Variants in RIPOR2 observed in about 807,000 individuals in gnomAD.
RIPOR2 encodes RHO family interacting cell polarization regulator 2, also known as rho family-interacting cell polarization regulator 2.
RIPOR2 carries 39 observed loss-of-function variants against 114.5 expected under a neutral mutation model. That is an observed-to-expected ratio of 0.34 (90% confidence interval 0.26 to 0.44). The LOEUF is 0.44. Among genes scored for constraint, RIPOR2 ranks in the 20% least tolerant of loss-of-function variants. The pLI is 1.00. For missense variants in RIPOR2, 1,007 were observed against 1,255.1 expected, an observed-to-expected ratio of 0.80 and a Z score of 2.99; for synonymous variants, 445 against 484.4, an observed-to-expected ratio of 0.92 and a Z score of 1.07.
intron 1 of RIPOR2, among the ~76,000 whole-genome samples, chr6:24,895,806 C>T (rs753643973): frequency 5.9e-5 from 9 of 151,788 alleles, no homozygotes; most frequent in Non-Finnish European, 1.3e-4. Context: ...CTGGCCAACA[C>T]GGTGAAACCC....
chr6:24,912,730 T>C (rs1170090909), intron 1 of RIPOR2, among the ~76,000 whole-genome samples: 1 of 152,200 alleles, frequency 6.6e-6, no homozygotes, highest in Non-Finnish European at 1.5e-5. Context: ...GAGAAGGGCC[T>C]GACATCCACC....
chr6:25,012,962 C>T (rs972424077), intron 1 of RIPOR2, among the ~76,000 whole-genome samples: 1 of 151,372 alleles, frequency 6.6e-6, no homozygotes. Context: ...GATGGGGGGC[C>T]AGGATCACTA....
At chr6:24,844,674 G>A (rs1189934985) in intron 12 of RIPOR2, among the ~76,000 whole-genome samples, 1 of 151,676 alleles carries the variant, frequency 6.6e-6, no homozygotes, top group African/African-American at 2.4e-5. Context: ...ACAGGATTTC[G>A]CCATGTTGGT....
chr6:25,007,512 A>G (rs752173007), intron 1 of RIPOR2, among the ~76,000 whole-genome samples: 1 of 152,242 alleles, frequency 6.6e-6, no homozygotes, highest in East Asian at 1.9e-4. Context: ...CCCTATGTAC[A>G]TAATAAGCAA....
At chr6:24,822,085 G>A (rs1759751633) in intron 19 of RIPOR2, among the ~76,000 whole-genome samples, 1 of 152,208 alleles carries the variant, frequency 6.6e-6, no homozygotes, top group Non-Finnish European at 1.5e-5. Context: ...GTGTAACAAA[G>A]TAGGATCCCG....
intron 7 of RIPOR2, among the ~76,000 whole-genome samples, chr6:24,865,066 G>A (rs755035759): frequency 6.6e-6 from 1 of 152,186 alleles, no homozygotes; most frequent in Non-Finnish European, 1.5e-5. Context: ...TCTTGCCTCA[G>A]CCTCTTGAAT....
chr6:24,854,971 G>A (rs1460688360), intron 8 of RIPOR2, among the ~76,000 whole-genome samples: 2 of 141,434 alleles, frequency 1.4e-5, no homozygotes, highest in African/African-American at 2.6e-5. Flanking sequence ...GGGTTGCAGT[G>A]AGCCGAGATC....
chr6:24,914,931 C>G (rs1341141994), intron 1 of RIPOR2, among the ~76,000 whole-genome samples: 1 of 152,130 alleles, frequency 6.6e-6, no homozygotes, highest in South Asian at 2.1e-4. Flanking sequence ...TTGTACCTAC[C>G]GACCCTTATC....
At chr6:24,957,986 G>C (rs67879608) in intron 1 of RIPOR2, among the ~76,000 whole-genome samples, 25,487 of 152,100 alleles carry the variant, frequency 0.17, 2,913 homozygotes, top group East Asian at 0.54. Context: ...TTGAGTGTAT[G>C]ATGGTGACAA....
chr6:25,001,786 G>A (rs1222972842), intron 1 of RIPOR2, among the ~76,000 whole-genome samples: 4 of 142,850 alleles, frequency 2.8e-5, no homozygotes, highest in Admixed American at 1.4e-4. Flanking sequence ...TGCAACCTCC[G>A]CCTCCCGGGT....
chr6:24,971,259 T>C (rs1443323552), intron 1 of RIPOR2, among the ~76,000 whole-genome samples: 1 of 152,226 alleles, frequency 6.6e-6, no homozygotes, highest in African/African-American at 2.4e-5. Context: ...CCTGCCATCA[T>C]TGCCTTACTG....
chr6:24,861,026 G>A lies in RIPOR2; in HGVS notation c.662C>T (p.Thr221Ile). Residue 221 changes from threonine to isoleucine, a missense_variant, in exon 8 of 22, where the codon ACC becomes ATC. Transcript: ENST00000643898. Reference protein sequence around the residue: ...SFKEYTENMCTIEVELENLLG... With the variant: ...SFKEYTENMCIIEVELENLLG... Reference sequence around the variant, plus strand: ...CAGATTCTCTAGCTCCACTTCAATGGTGCACATATTCTGCAAAGAGGACAG... The same window carrying A: ...CAGATTCTCTAGCTCCACTTCAATGATGCACATATTCTGCAAAGAGGACAG... The A allele has an allele frequency of 3.1e-6, 5 of 1,609,318 alleles. No individual in the cohort carries two copies. Among genetic ancestry groups the A allele is most frequent in the Non-Finnish European group, 4.2e-6 (5 of 1,176,530 alleles).
intron 1 of RIPOR2, among the ~76,000 whole-genome samples, chr6:25,023,079 C>G (rs181297095): frequency 6.6e-6 from 1 of 151,802 alleles, no homozygotes; most frequent in Admixed American, 6.6e-5. Context: ...CCTTTAATGA[C>G]GACGTTTGCA....
chr6:24,829,271 G>A (rs553541358), intron 17 of RIPOR2, among the ~76,000 whole-genome samples: 10 of 151,806 alleles, frequency 6.6e-5, no homozygotes, highest in Non-Finnish European at 1.0e-4. Flanking sequence ...CTGAGATCGC[G>A]CCATTGCACT....
intron 12 of RIPOR2, chr6:24,847,409 C>A (rs911519410): frequency 3.7e-6 from 3 of 810,970 alleles, no homozygotes; most frequent in African/African-American, 1.7e-5. Context: ...CCAAGTGTCC[C>A]GCCCCAAGGA....
Position 24,926,723 on chromosome 6 carries a change from C to T in RIPOR2, c.61+9115G>A, listed in dbSNP as rs374357375. Reference sequence around the variant, plus strand: ...GGGGGGCTGAGACAGCTGAGAAAATCGCCGTTACATAATAACTGATATTTA... The same window carrying T: ...GGGGGGCTGAGACAGCTGAGAAAATTGCCGTTACATAATAACTGATATTTA... On this transcript the variant is annotated intron_variant, in intron 1 of 21. Transcript: ENST00000643898. 3.9e-4 allele frequency among the ~76,000 whole-genome samples: 59 copies of T among 152,236 alleles called. No individual in the cohort carries two copies. The South Asian group carries it at 6.6e-3, about 17-fold the overall frequency.
chr6:24,935,749 G>A (rs1439522983), intron 1 of RIPOR2, 89 bp downstream of exon 1: 3 of 887,490 alleles, frequency 3.4e-6, no homozygotes, highest in African/African-American at 3.3e-5. Flanking sequence ...AAATACTCAA[G>A]TCCTTGCCCA....
At chr6:24,912,308 T>C (rs1769691710) in intron 1 of RIPOR2, among the ~76,000 whole-genome samples, 2 of 152,176 alleles carry the variant, frequency 1.3e-5, no homozygotes, top group Admixed American at 6.5e-5. Flanking sequence ...ACCCCTTCAC[T>C]CTTACATTGA....
At chr6:24,907,520 A>AAAAAC (rs1267372639) in intron 1 of RIPOR2, among the ~76,000 whole-genome samples, 2 of 152,330 alleles carry the variant, frequency 1.3e-5, no homozygotes, top group African/African-American at 2.4e-5. Context: ...ACTGTGACCA[A>AAAAAC]AAAACAAAAC....
Sources: gnomAD v4.1 joint callset for allele counts (sites outside exome capture counted in the v4.1 genomes callset) on GRCh38, gnomAD v4.1.1 for gene constraint, MANE v1.5 for transcripts, NCBI Gene and HGNC (gene_info 2026-07-23, HGNC 2026-07-21) for gene names.